The following SLC39A11 variants were observed in gnomAD, a reference collection of about 807,000 sequenced individuals.
SLC39A11 encodes zinc transporter ZIP11.
Under a neutral mutation model 36.1 loss-of-function variants are expected in SLC39A11, and 33 were observed. That is an observed-to-expected ratio of 0.91 (90% confidence interval 0.69 to 1.22). The LOEUF (loss-of-function observed/expected upper bound fraction) is 1.22. Ranked by LOEUF, SLC39A11 falls within the 50% of genes most tolerant of loss-of-function variation. The pLI, the probability that SLC39A11 is intolerant of heterozygous loss-of-function variation, is 0.00. For missense variants in SLC39A11, 432 were observed against 430.3 expected, an observed-to-expected ratio of 1.00 and a Z score of -0.03; for synonymous variants, 166 against 170.3, an observed-to-expected ratio of 0.97 and a Z score of 0.20.
At chr17:72,700,234 C>A (rs2072546994) in intron 7 of SLC39A11, among the ~76,000 whole-genome samples, 1 of 152,196 alleles carries the variant, frequency 6.6e-6, no homozygotes, top group African/African-American at 2.4e-5. Context: ...TCTACCAGGA[C>A]AAAGAACTTG....
chr17:73,045,793 C>CA (rs112877247), intron 3 of SLC39A11, among the ~76,000 whole-genome samples: 6 of 152,258 alleles, frequency 3.9e-5, no homozygotes, highest in African/African-American at 7.2e-5. Flanking sequence ...ACAGCAACAA[C>CA]AAAAAAACAC....
intron 4 of SLC39A11, among the ~76,000 whole-genome samples, chr17:72,949,094 G>C (rs979697196): frequency 1.4e-5 from 2 of 138,984 alleles, no homozygotes; most frequent in Admixed American, 1.6e-4. Flanking sequence ...AAACCTAGGT[G>C]TCTCTGTCTG....
intron 6 of SLC39A11, among the ~76,000 whole-genome samples, chr17:72,752,239 C>CT (rs1269048056): frequency 1.3e-5 from 2 of 151,996 alleles, no homozygotes; most frequent in Admixed American, 6.6e-5. Context: ...TCCTTAATAT[C>CT]TTTTTTTCTG....
At chr17:72,999,138 C>T (rs1275350962) in intron 4 of SLC39A11, among the ~76,000 whole-genome samples, 1 of 152,184 alleles carries the variant, frequency 6.6e-6, no homozygotes, top group Non-Finnish European at 1.5e-5. Flanking sequence ...GCTCATTTCT[C>T]AAGGCCTAGC....
intron 7 of SLC39A11, among the ~76,000 whole-genome samples, chr17:72,660,138 G>C (rs1387635795): frequency 1.3e-5 from 2 of 152,162 alleles, no homozygotes; most frequent in African/African-American, 4.8e-5. Context: ...CCTTGAGCTT[G>C]GGAAATGCTT....
intron 3 of SLC39A11, among the ~76,000 whole-genome samples, chr17:73,074,708 T>C (rs1229195106): frequency 3.9e-5 from 6 of 152,180 alleles, no homozygotes; most frequent in Non-Finnish European, 1.5e-5. Context: ...ATCATTAACT[T>C]CCAACAGTGA....
intron 5 of SLC39A11, among the ~76,000 whole-genome samples, chr17:72,941,737 G>T (rs1182304424): frequency 6.6e-6 from 1 of 152,042 alleles, no homozygotes; most frequent in African/African-American, 2.4e-5. Context: ...GTCCAAGAAG[G>T]TATCTCTGCA....
rs774031483 is a variant in SLC39A11, at chr17:73,031,762, CT to C, written c.148-49del. 21 of 1,596,744 alleles carry C rather than the reference CT, an allele frequency of 1.3e-5. No homozygotes were observed. In the South Asian group the frequency reaches 2.2e-4, roughly 17 times the overall value. On this transcript the variant is annotated intron_variant, in intron 3 of 9. Transcript: ENST00000255559. ...TAAACGTTAAAGCAACTGCAGAAGG[CT>C]TTCCAGGCAGGACCTCAGTTGCTCT...
At chr17:72,799,116 G>A (rs1336893564) in intron 6 of SLC39A11, among the ~76,000 whole-genome samples, 1 of 152,110 alleles carries the variant, frequency 6.6e-6, no homozygotes, top group Non-Finnish European at 1.5e-5. Flanking sequence ...AGGAAGTCAG[G>A]GACCCCAAAC....
intron 5 of SLC39A11, among the ~76,000 whole-genome samples, chr17:72,853,576 T>G (rs2079485687): frequency 6.6e-6 from 1 of 151,966 alleles, no homozygotes; most frequent in Admixed American, 6.6e-5. Context: ...GCATAAAGAA[T>G]TCTTCACCAA....
chr17:72,719,251 C>T (rs1261909168), intron 7 of SLC39A11, among the ~76,000 whole-genome samples: 1 of 151,996 alleles, frequency 6.6e-6, no homozygotes, highest in Non-Finnish European at 1.5e-5. Context: ...TCAAAAAAAG[C>T]AATCCTGAAT....
chr17:73,084,155 A>G (rs2060637650), intron 3 of SLC39A11, among the ~76,000 whole-genome samples: 1 of 152,144 alleles, frequency 6.6e-6, no homozygotes, highest in South Asian at 2.1e-4. Context: ...TGTCTATAAT[A>G]TGCTGGGTTC....
intron 5 of SLC39A11, among the ~76,000 whole-genome samples, chr17:72,868,861 A>G (rs1404983640): frequency 2.6e-5 from 4 of 152,066 alleles, no homozygotes; most frequent in African/African-American, 9.7e-5. Context: ...AAAATGTAGA[A>G]ATGTTCGCTT....
intron 3 of SLC39A11, among the ~76,000 whole-genome samples, chr17:73,083,232 G>A (rs4969058): frequency 0.31 from 47,186 of 151,870 alleles, 7,679 homozygotes; most frequent in Middle Eastern, 0.52. Context: ...TGGCTTCCCC[G>A]GCATTCTCAG....
chr17:72,756,989 GAAA>G (rs34241516), intron 6 of SLC39A11, among the ~76,000 whole-genome samples: 1 of 131,186 alleles, frequency 7.6e-6, no homozygotes. Flanking sequence ...CTCTGCTAGG[GAAA>G]AAAAAAAAAA....
intron 3 of SLC39A11, among the ~76,000 whole-genome samples, chr17:73,057,152 G>C (rs2059695455): frequency 6.6e-6 from 1 of 152,126 alleles, no homozygotes; most frequent in Non-Finnish European, 1.5e-5. Flanking sequence ...TGTATATCAA[G>C]ATGGGGTTTC....
chr17:73,036,815 A>G (rs2058933441), intron 3 of SLC39A11, among the ~76,000 whole-genome samples: 1 of 152,140 alleles, frequency 6.6e-6, no homozygotes, highest in African/African-American at 2.4e-5. Context: ...CATATATAAT[A>G]TCATGTATCC....
intron 6 of SLC39A11, among the ~76,000 whole-genome samples, chr17:72,796,358 C>T (rs1457128266): frequency 1.3e-5 from 2 of 152,104 alleles, no homozygotes; most frequent in South Asian, 2.1e-4. Context: ...TAGGTTTTTC[C>T]TGGCTTCTGC....
chr17:72,720,597 G>A (rs2073621210), intron 7 of SLC39A11, among the ~76,000 whole-genome samples: 1 of 152,120 alleles, frequency 6.6e-6, no homozygotes, highest in Admixed American at 6.5e-5. Context: ...GATGTGTCAT[G>A]GGTGTGCCAG....
Sources: gnomAD v4.1 joint callset for allele counts (sites outside exome capture counted in the v4.1 genomes callset) on GRCh38, gnomAD v4.1.1 for gene constraint, MANE v1.5 for transcripts, NCBI Gene and HGNC (gene_info 2026-07-23, HGNC 2026-07-21) for gene names.